Variants in VCAN observed in about 807,000 individuals in gnomAD.
VCAN encodes the protein versican core protein.
In VCAN, 44 loss-of-function variants were observed where a neutral mutation model predicts 245.5. The ratio of observed to expected loss-of-function variants is 0.18; its 90% CI spans 0.14 to 0.23. The LOEUF (loss-of-function observed/expected upper bound fraction) is 0.23. Among genes scored for constraint, VCAN ranks in the 10% least tolerant of loss-of-function variants. The pLI, the probability that VCAN is intolerant of heterozygous loss-of-function variation, is 1.00. For synonymous variants in VCAN, 1,413 were observed against 1,437.0 expected, an observed-to-expected ratio of 0.98 and a Z score of 0.38; for missense variants, 3,793 against 4,057.9, an observed-to-expected ratio of 0.93 and a Z score of 1.77.
At chr5:83,553,306 G>T (rs997521750) in intron 10 of VCAN, 58 bp from the exon 11 acceptor site, 254 of 1,604,792 alleles carry the variant, frequency 1.6e-4, no homozygotes, top group Non-Finnish European at 2.0e-4. Context: ...CTTGGTTGGG[G>T]GTGCCAAGTT....
In VCAN at chr5:83,580,726, C is replaced by A; in HGVS notation, c.*292C>A. 1 of 398,570 alleles carries A rather than the reference C, an allele frequency of 2.5e-6. No individual in the cohort carries two copies. Among genetic ancestry groups the A allele is most frequent in the South Asian group, 2.2e-5 (1 of 45,960 alleles). 24.7% of individuals were successfully genotyped at this position (398,570 alleles called of 1,614,324 possible). A position where few individuals can be genotyped will look rare whatever the true frequency, so the allele number is the denominator to read the frequency against. On this transcript the variant is annotated 3_prime_UTR_variant, in exon 15 of 15. Transcript: ENST00000265077. ...AGTCCATTTCCTAATGTATACCAGC[C>A]TACTGTACTATTTAAAATGCTCAAT...
At chr5:83,557,379 G>T (rs141064448) in intron 12 of VCAN, among the ~76,000 whole-genome samples, 1 of 151,912 alleles carries the variant, frequency 6.6e-6, no homozygotes, top group Non-Finnish European at 1.5e-5. Flanking sequence ...TTTATTTCTC[G>T]TGGTGTCTGA....
intron 12 of VCAN, among the ~76,000 whole-genome samples, chr5:83,556,126 G>T (rs1281159506): frequency 6.6e-6 from 1 of 152,140 alleles, no homozygotes. Flanking sequence ...CTTTATCTAT[G>T]TGCCAGCCAC....
chr5:83,572,344 A>T (rs1243294064), intron 12 of VCAN, 72 bp from the exon 13 acceptor site: 14 of 1,545,806 alleles, frequency 9.1e-6, no homozygotes, highest in Non-Finnish European at 1.3e-5. Flanking sequence ...TTAGATTGTG[A>T]TATAATACCG....
rs149032014 is a variant in VCAN at position 83,540,718 on chromosome 5, C to T, written c.7715C>T (p.Ser2572Leu). 479 of 1,613,822 alleles carry T rather than the reference C, an allele frequency of 3.0e-4. 2 individuals are homozygous for T. The highest frequency in any genetic ancestry group is 1.9e-3 in the South Asian group (169 of 91,058). The change falls in exon 8 of 15, where the codon TCG (serine) becomes TTG (leucine). Residue 2572 changes from serine to leucine, a missense_variant. By Grantham distance (145) the Ser-to-Leu change is moderately radical. Around this residue, in one of 5 missense-constraint regions of VCAN, gnomAD observed 3,182 missense variants for 3,250.3 expected, o/e 0.98. Coordinates refer to ENST00000265077, the MANE Select transcript of VCAN (RefSeq NM_004385.5). ...CTTGAAATTCTACCTGAGCTGACAT[C>T]GGATAAAAATACTATCATAGATATT... The part of the protein sequence containing the change: ...TILEILPELT[S>L]DKNTIIDIDH...
At position 83,520,490 on chromosome 5, in the gene VCAN, A is replaced by C. The variant is rs1746039403; in HGVS notation, c.2184A>C (p.Thr728=). Residue 728 remains threonine (T), a synonymous_variant, in exon 7 of 15, where the codon ACA becomes ACC. Transcript: ENST00000265077. The part of the protein sequence containing the change: ...EEVFSGMKLS[T]SLSEPIHVTE... ...TCTTCTCTGGGATGAAACTCTCTAC[A>C]TCTCTCTCAGAGCCAATTCATGTTA... 6.2e-7 allele frequency: 1 copy of C among 1,613,928 alleles called. No homozygotes were observed. The highest frequency in any genetic ancestry group is 1.1e-5 in the South Asian group (1 of 91,082).
At chr5:83,477,993 A>T (rs1471677042) in intron 1 of VCAN, among the ~76,000 whole-genome samples, 3 of 146,078 alleles carry the variant, frequency 2.1e-5, no homozygotes, top group African/African-American at 7.7e-5. Context: ...CTCAGGTTGG[A>T]GTGCAGTGGC....
chr5:83,504,888 G>A (rs919383050), intron 5 of VCAN, among the ~76,000 whole-genome samples: 14 of 152,118 alleles, frequency 9.2e-5, no homozygotes, highest in Admixed American at 5.9e-4. Flanking sequence ...CCTCAGAATC[G>A]TGGCGGGAGG....
rs775060699 is a variant in VCAN at position 83,521,658 on chromosome 5, G to A, written c.3352G>A (p.Glu1118Lys). The change falls in exon 7 of 15, where the codon GAA (glutamate) becomes AAA (lysine). Residue 1118 changes from glutamate (E) to lysine (K), a missense_variant. Transcript: ENST00000265077. ...AACTGAGCACAAAGTGAAAACAGATGAAGTGGTAACACTAACACCACGCAT... is the reference window on the plus strand; with the variant it reads ...AACTGAGCACAAAGTGAAAACAGATAAAGTGGTAACACTAACACCACGCAT... ...AVTEHKVKTDEVVTLTPRIGP... is the reference protein window; with the variant it reads ...AVTEHKVKTDKVVTLTPRIGP... The A allele has an allele frequency of 6.2e-7, 1 of 1,613,880 alleles. No homozygotes were observed. Among genetic ancestry groups the A allele is most frequent in the Non-Finnish European group, 8.5e-7 (1 of 1,180,016 alleles).
intron 8 of VCAN, 45 bp from the exon 9 acceptor site, chr5:83,545,492 T>C: frequency 6.6e-7 from 1 of 1,526,404 alleles, no homozygotes; most frequent in Non-Finnish European, 9.1e-7. Flanking sequence ...ACGCAAACAT[T>C]AGAGACGAGC....
At chr5:83,482,872 A>G (rs1410025980) in intron 1 of VCAN, among the ~76,000 whole-genome samples, 1 of 152,240 alleles carries the variant, frequency 6.6e-6, no homozygotes, top group Non-Finnish European at 1.5e-5. Flanking sequence ...CATGGCAAGA[A>G]CTGGTCACTT....
chr5:83,538,934 A>C lies in VCAN; in HGVS notation c.5931A>C (p.Ser1977=). ...CTTCACCATCTACAGTACCTACTTCAGTTCACATCAGTCACATATCTGACT... is the reference window on the plus strand; with the variant it reads ...CTTCACCATCTACAGTACCTACTTCCGTTCACATCAGTCACATATCTGACT... The part of the protein sequence containing the change: ...TQTSPSTVPT[S]VHISHISDSE... The change falls in exon 8 of 15, where the codon TCA becomes TCC. Residue 1977 remains serine, a synonymous_variant. Transcript: ENST00000265077. 1 of 1,614,066 alleles carries C rather than the reference A, an allele frequency of 6.2e-7. No individual in the cohort carries two copies. The highest frequency in any genetic ancestry group is 8.5e-7 in the Non-Finnish European group (1 of 1,179,980).
intron 2 of VCAN, among the ~76,000 whole-genome samples, chr5:83,487,884 A>G (rs1744847127): frequency 6.6e-6 from 1 of 152,194 alleles, no homozygotes; most frequent in Non-Finnish European, 1.5e-5. Context: ...AATTGTGAAG[A>G]GAAATATAAT....
intron 7 of VCAN, 122 bp from the exon 8 acceptor site, chr5:83,536,885 A>G: frequency 1.3e-6 from 1 of 793,148 alleles, no homozygotes; most frequent in Non-Finnish European, 2.0e-6. Flanking sequence ...GATTGCACTT[A>G]TTATGAAAAG....
intron 1 of VCAN, among the ~76,000 whole-genome samples, chr5:83,474,426 A>G (rs1744307477): frequency 6.6e-6 from 1 of 152,170 alleles, no homozygotes; most frequent in Non-Finnish European, 1.5e-5. Flanking sequence ...ATGTGACTGC[A>G]GAGGCGTGCC....
chr5:83,567,344 A>G (rs1229205188), intron 12 of VCAN, among the ~76,000 whole-genome samples: 1 of 152,096 alleles, frequency 6.6e-6, no homozygotes, highest in African/African-American at 2.4e-5. Context: ...CTGACCCCCT[A>G]GGCTGGAGTG....
At chr5:83,563,523 C>A (rs1287125157) in intron 12 of VCAN, among the ~76,000 whole-genome samples, 1 of 152,178 alleles carries the variant, frequency 6.6e-6, no homozygotes, top group African/African-American at 2.4e-5. Flanking sequence ...CTGAGGCTAA[C>A]CCCAAGTGGT....
chr5:83,517,031 T>G (rs1745877808), intron 6 of VCAN, among the ~76,000 whole-genome samples: 1 of 152,140 alleles, frequency 6.6e-6, no homozygotes, highest in Non-Finnish European at 1.5e-5. Flanking sequence ...GGCTCTAAAA[T>G]TATTGAAAAC....
intron 13 of VCAN, among the ~76,000 whole-genome samples, chr5:83,575,603 G>A (rs542300966): frequency 6.6e-6 from 1 of 152,234 alleles, no homozygotes; most frequent in Admixed American, 6.5e-5. Context: ...TCTTTATTTT[G>A]AGAGGCTATC....
Sources: allele counts gnomAD v4.1 joint callset (sites outside exome capture counted in the v4.1 genomes callset), GRCh38; gene constraint gnomAD v4.1.1; regional missense constraint gnomAD v4.1.1; transcripts MANE v1.5; gene names NCBI Gene and HGNC (gene_info 2026-07-23, HGNC 2026-07-21).